The following MCTP2 variants were observed in gnomAD, a reference collection of about 807,000 sequenced individuals.
The protein encoded by MCTP2 is multiple C2 and transmembrane domain-containing protein 2.
A neutral mutation model predicts 111.6 loss-of-function variants in MCTP2; 132 were observed. The ratio of observed to expected loss-of-function variants is 1.18; its 90% CI spans 1.03 to 1.37. The LOEUF is 1.37. Ranked by LOEUF, MCTP2 falls within the 40% of genes most tolerant of loss-of-function variation. The pLI, the probability that MCTP2 is intolerant of heterozygous loss-of-function variation, is 0.00. For synonymous variants in MCTP2, 395 were observed against 387.7 expected, an observed-to-expected ratio of 1.02 and a Z score of -0.22; for missense variants, 1,183 against 1,067.9, an observed-to-expected ratio of 1.11 and a Z score of -1.50.
chr15:94,443,552 T>C (rs190310770), intron 19 of MCTP2, among the ~76,000 whole-genome samples: 200 of 152,204 alleles, frequency 1.3e-3, no homozygotes, highest in African/African-American at 4.7e-3. Flanking sequence ...CCTTCACCTG[T>C]GGGTATCTGG....
At chr15:94,406,298 A>G (rs185298036) in intron 17 of MCTP2, among the ~76,000 whole-genome samples, 59 of 150,176 alleles carry the variant, frequency 3.9e-4, no homozygotes, top group African/African-American at 1.5e-3. Context: ...GACAGAGCTC[A>G]TGTGTGTGTA....
At chr15:94,251,390 C>G (rs2072414522) in intron 1 of MCTP2, among the ~76,000 whole-genome samples, 1 of 150,996 alleles carries the variant, frequency 6.6e-6, no homozygotes, top group South Asian at 2.1e-4. Flanking sequence ...CGGAGTTTCG[C>G]TCTTGTTGCC....
At chr15:94,318,388 A>C (rs2076476225) in intron 4 of MCTP2, among the ~76,000 whole-genome samples, 1 of 151,318 alleles carries the variant, frequency 6.6e-6, no homozygotes, top group Non-Finnish European at 1.5e-5. Context: ...GGTTCAAGCG[A>C]TTCTCCTGCC....
chr15:94,427,461 A>G (rs961648628), intron 17 of MCTP2, among the ~76,000 whole-genome samples: 6 of 152,160 alleles, frequency 3.9e-5, no homozygotes, highest in Admixed American at 3.3e-4. Flanking sequence ...GGGAAGCACC[A>G]TGTCTTACCA....
At chr15:94,452,484 C>T (rs999960901) in intron 19 of MCTP2, among the ~76,000 whole-genome samples, 2 of 152,194 alleles carry the variant, frequency 1.3e-5, no homozygotes, top group African/African-American at 4.8e-5. Flanking sequence ...TCTCAAACCA[C>T]AAGCATTTGC....
chr15:94,305,582 G>A (rs778241790), intron 2 of MCTP2, among the ~76,000 whole-genome samples: 3 of 152,154 alleles, frequency 2.0e-5, no homozygotes, highest in Non-Finnish European at 2.9e-5. Flanking sequence ...TCTTGTTAGA[G>A]TATAAGCTCT....
rs1454876019 is a variant in MCTP2 at position 94,399,989 on chromosome 15, C to T, written c.1959C>T (p.Ser653=). The T allele has an allele frequency of 6.2e-7, 1 of 1,613,668 alleles. No individual in the cohort carries two copies. The highest frequency in any genetic ancestry group is 1.7e-5 in the Admixed American group (1 of 59,960). Residue 653 remains serine, a synonymous_variant, in exon 16 of 23, where the codon TCC becomes TCT. Transcript: ENST00000357742. ...KRFVEDSRKL[S]KKILSRDVDR... is the part of the protein sequence containing the mutation. ...TTGTTGAAGACAGCCGCAAGCTGTC[C>T]AAAAAGGTGGGTCGCTACAGTAGGT...
chr15:94,376,375 A>G (rs1356860906), intron 12 of MCTP2, among the ~76,000 whole-genome samples: 1 of 152,158 alleles, frequency 6.6e-6, no homozygotes, highest in Non-Finnish European at 1.5e-5. Context: ...TTTTGTTTGT[A>G]TGATAGCTGT....
chr15:94,402,183 A>G (rs1012712283), intron 17 of MCTP2, 164 bp downstream of exon 17: 1 of 870,464 alleles, frequency 1.1e-6, no homozygotes. Flanking sequence ...AATCTTAGTC[A>G]TATATGGTCT....
chr15:94,421,530 T>G (rs2082629475), intron 17 of MCTP2, among the ~76,000 whole-genome samples: 1 of 152,128 alleles, frequency 6.6e-6, no homozygotes, highest in South Asian at 2.1e-4. Flanking sequence ...TAGGGGAGAA[T>G]CCCTTTCCTT....
chr15:94,350,610 A>G (rs1171784680), intron 8 of MCTP2, among the ~76,000 whole-genome samples: 5 of 152,232 alleles, frequency 3.3e-5, no homozygotes, highest in African/African-American at 1.2e-4. Flanking sequence ...CCAGCCCTGC[A>G]CTTGCAGAAC....
chr15:94,477,956 A>G (rs2074503621), intron 22 of MCTP2, among the ~76,000 whole-genome samples: 1 of 152,330 alleles, frequency 6.6e-6, no homozygotes, highest in South Asian at 2.1e-4. Context: ...GCAAAACACC[A>G]TAAGGAATGG....
chr15:94,477,588 T>G (rs2074469310), intron 22 of MCTP2, among the ~76,000 whole-genome samples: 1 of 152,172 alleles, frequency 6.6e-6, no homozygotes. Context: ...ATCAAGATGA[T>G]CAAAGACACA....
At chr15:94,295,915 C>CAA (rs35051806) in intron 1 of MCTP2, among the ~76,000 whole-genome samples, 543 of 144,034 alleles carry the variant, frequency 3.8e-3, no homozygotes, top group Non-Finnish European at 5.9e-3. Flanking sequence ...GACCCTGACT[C>CAA]AAAAAAAAAA....
chr15:94,413,850 G>C (rs1193239520), intron 17 of MCTP2, among the ~76,000 whole-genome samples: 1 of 152,098 alleles, frequency 6.6e-6, no homozygotes, highest in Non-Finnish European at 1.5e-5. Context: ...CAAAGTGAAA[G>C]CATTTGGAAG....
intron 1 of MCTP2, among the ~76,000 whole-genome samples, chr15:94,271,341 G>A (rs1237779141): frequency 6.6e-6 from 1 of 152,188 alleles, no homozygotes; most frequent in Non-Finnish European, 1.5e-5. Context: ...TTAATTGAAG[G>A]AAGCATGATA....
intron 20 of MCTP2, among the ~76,000 whole-genome samples, chr15:94,461,078 T>G (rs1217121849): frequency 6.6e-6 from 1 of 152,224 alleles, no homozygotes; most frequent in Non-Finnish European, 1.5e-5. Context: ...TATTCCTTTT[T>G]TCCTACTCTT....
At chr15:94,280,948 G>A (rs939610376) in intron 1 of MCTP2, among the ~76,000 whole-genome samples, 2 of 151,984 alleles carry the variant, frequency 1.3e-5, no homozygotes, top group African/African-American at 4.8e-5. Context: ...AGTGTGGTTA[G>A]TATATATTTT....
intron 1 of MCTP2, among the ~76,000 whole-genome samples, chr15:94,295,327 T>C (rs1596289390): frequency 6.6e-6 from 1 of 152,126 alleles, no homozygotes. Context: ...AGAAATTCTA[T>C]AGAGCCAGGA....
Sources: allele counts gnomAD v4.1 joint callset (sites outside exome capture counted in the v4.1 genomes callset), GRCh38; gene constraint gnomAD v4.1.1; transcripts MANE v1.5; gene names NCBI Gene and HGNC (gene_info 2026-07-23, HGNC 2026-07-21).